Variants in RBFOX2 observed in about 807,000 individuals in gnomAD.
RBFOX2 encodes RNA binding protein fox-1 homolog 2.
A neutral mutation model predicts 49.1 loss-of-function variants in RBFOX2; 10 were observed. The observed-to-expected ratio is 0.20, with a 90% confidence interval of 0.13 to 0.35. The LOEUF is 0.35. Ranked by LOEUF, RBFOX2 falls within the 10% of genes least tolerant of loss-of-function variation. RBFOX2 has a pLI of 1.00. For synonymous variants in RBFOX2, 183 were observed against 187.4 expected, an observed-to-expected ratio of 0.98 and a Z score of 0.19; for missense variants, 323 against 486.9, an observed-to-expected ratio of 0.66 and a Z score of 3.17.
intron 1 of RBFOX2, among the ~76,000 whole-genome samples, chr22:36,017,099 A>C (rs1275032956): frequency 2.0e-5 from 3 of 152,252 alleles, no homozygotes; most frequent in Non-Finnish European, 4.4e-5. Context: ...AAATACTTCT[A>C]TGAATCTATC....
At chr22:35,918,243 G>A (rs1210380858) in intron 1 of RBFOX2, among the ~76,000 whole-genome samples, 1 of 152,164 alleles carries the variant, frequency 6.6e-6, no homozygotes, top group Non-Finnish European at 1.5e-5. Context: ...CATTTCTGGT[G>A]TACAAATTAA....
intron 4 of RBFOX2, among the ~76,000 whole-genome samples, chr22:35,773,923 T>C (rs903346305): frequency 6.6e-6 from 1 of 152,092 alleles, no homozygotes; most frequent in Non-Finnish European, 1.5e-5. Context: ...TAGCAGAGAA[T>C]GCAAGGTCAA....
chr22:35,894,839 C>T (rs1342930202), intron 1 of RBFOX2, among the ~76,000 whole-genome samples: 1 of 152,000 alleles, frequency 6.6e-6, no homozygotes, highest in Non-Finnish European at 1.5e-5. Flanking sequence ...TCAGATCGGG[C>T]TGCTCAAACT....
At chr22:35,848,774 T>C (rs1171833337) in intron 1 of RBFOX2, among the ~76,000 whole-genome samples, 1 of 152,244 alleles carries the variant, frequency 6.6e-6, no homozygotes, top group Non-Finnish European at 1.5e-5. Context: ...TTGTATTAAC[T>C]GTATTTATTT....
upstream of RBFOX2, among the ~76,000 whole-genome samples, chr22:35,841,326 G>A (rs1958721828): frequency 6.6e-6 from 1 of 152,034 alleles, no homozygotes; most frequent in Admixed American, 6.6e-5. Flanking sequence ...TGTAGCTACA[G>A]GTTTAGGAGA....
chr22:36,022,027 T>C (rs1202065699), intron 1 of RBFOX2, among the ~76,000 whole-genome samples: 2 of 152,214 alleles, frequency 1.3e-5, no homozygotes, highest in South Asian at 4.1e-4. Context: ...CTTCCAATCA[T>C]GTCTGTGGTT....
chr22:35,956,959 G>A (rs2149901450), intron 1 of RBFOX2, among the ~76,000 whole-genome samples: 1 of 152,318 alleles, frequency 6.6e-6, no homozygotes, highest in African/African-American at 2.4e-5. Context: ...TAACTGTTAA[G>A]TGTTTGGTGG....
At chr22:35,978,031 G>A (rs1389284175) in intron 1 of RBFOX2, among the ~76,000 whole-genome samples, 2 of 151,962 alleles carry the variant, frequency 1.3e-5, no homozygotes, top group African/African-American at 4.8e-5. Flanking sequence ...TGGGCCAAAG[G>A]AGCCCATTGA....
intron 1 of RBFOX2, among the ~76,000 whole-genome samples, chr22:35,923,873 G>GC (rs1445759133): frequency 3.3e-5 from 5 of 151,890 alleles, no homozygotes; most frequent in Non-Finnish European, 7.4e-5. Flanking sequence ...AAATAGGGAA[G>GC]CAAGTGGGAA....
intron 1 of RBFOX2, among the ~76,000 whole-genome samples, chr22:35,855,715 C>A (rs1478720565): frequency 6.6e-6 from 1 of 151,582 alleles, no homozygotes; most frequent in Non-Finnish European, 1.5e-5. Context: ...AGCCCCAATT[C>A]ATTTTTCAAC....
intron 1 of RBFOX2, chr22:35,998,793 A>G (rs970485012): frequency 6.6e-6 from 1 of 152,558 alleles, no homozygotes; most frequent in African/African-American, 2.4e-5. Flanking sequence ...CAGGAAGAAA[A>G]AAAGCATTTG....
upstream of RBFOX2, among the ~76,000 whole-genome samples, chr22:35,841,534 T>C (rs1389242372): frequency 6.6e-6 from 1 of 152,146 alleles, no homozygotes; most frequent in African/African-American, 2.4e-5. Context: ...AAACAATTTA[T>C]AAAATGATGA....
At chr22:36,009,819 T>C in intron 1 of RBFOX2, among the ~76,000 whole-genome samples, 1 of 152,196 alleles carries the variant, frequency 6.6e-6, no homozygotes. Context: ...ACTATTTCCA[T>C]CCAAGCAGTG....
chr22:35,887,026 C>T (rs765893611), intron 1 of RBFOX2, among the ~76,000 whole-genome samples: 9 of 152,262 alleles, frequency 5.9e-5, no homozygotes, highest in East Asian at 1.9e-4. Context: ...CTCCTCCAAA[C>T]GAACAATTTA....
In RBFOX2 at chr22:35,954,258, T is replaced by TG. The variant is rs562273637; in HGVS notation, c.42+7304_42+7305insC. Among the ~76,000 whole-genome samples, 8 of 152,308 alleles carry TG rather than the reference T, an allele frequency of 5.3e-5. No individual in the cohort carries two copies. In the South Asian group the frequency reaches 1.7e-3, roughly 32 times the overall value. ...GTACTTAACTAGAAAAAAATGGAGA[T>TG]AATAACAACACCTACCTCAGGGAAG... On this transcript the variant is annotated intron_variant, in intron 1 of 5. Coordinates refer to the RBFOX2 transcript ENST00000408983.
intron 1 of RBFOX2, among the ~76,000 whole-genome samples, chr22:35,973,655 C>G (rs1015894008): frequency 6.6e-6 from 1 of 152,232 alleles, no homozygotes; most frequent in Non-Finnish European, 1.5e-5. Context: ...GAAGTACACA[C>G]AGTATCTGCT....
rs1442924189 is a variant in RBFOX2 at position 35,761,411 on chromosome 22, C to T, written c.661+4G>A. On this transcript the variant is annotated splice_donor_region_variant and intron_variant, in intron 7 of 11. Transcript: ENST00000405409. ...ACAAGTGGAAACATTTACTTAAATA[C>T]TACCTGCATATAACTCCGGACCATA... 1.9e-6 allele frequency: 3 copies of T among 1,614,060 alleles called. No individual in the cohort carries two copies. The highest frequency in any genetic ancestry group is 2.2e-5 in the East Asian group (1 of 44,886).
At chr22:35,839,570 T>C (rs988942285) in intron 1 of RBFOX2, among the ~76,000 whole-genome samples, 3 of 152,262 alleles carry the variant, frequency 2.0e-5, no homozygotes, top group African/African-American at 7.2e-5. Context: ...TTGTGATTTA[T>C]ACATTCAGAT....
At chr22:35,947,905 C>T (rs1216476017) in intron 1 of RBFOX2, among the ~76,000 whole-genome samples, 1 of 152,012 alleles carries the variant, frequency 6.6e-6, no homozygotes, top group Non-Finnish European at 1.5e-5. Flanking sequence ...AAAAATTTAG[C>T]GTAGCCTAAG....
Sources: allele counts gnomAD v4.1 joint callset (sites outside exome capture counted in the v4.1 genomes callset), GRCh38; gene constraint gnomAD v4.1.1; transcripts MANE v1.5; gene names NCBI Gene and HGNC (gene_info 2026-07-23, HGNC 2026-07-21).